Variants in BNIP5 observed in about 807,000 individuals in gnomAD.
BNIP5 encodes the protein protein BNIP5.
In BNIP5, 61 loss-of-function variants were observed where a neutral mutation model predicts 67.3. The observed-to-expected ratio is 0.91, with a 90% CI of 0.74 to 1.12. The LOEUF is 1.12. Among genes scored for constraint, BNIP5 ranks in the 50% most tolerant of loss-of-function variants. BNIP5 has a pLI of 0.00. For synonymous variants in BNIP5, 317 were observed against 319.0 expected (o/e 0.99, Z 0.07); for missense variants, 826 against 816.3 (o/e 1.01, Z -0.14).
rs535432949 is a variant in BNIP5 at position 36,323,561 on chromosome 6, C to G, written c.1231-28G>C. 2.5e-6 allele frequency: 4 copies of G among 1,612,956 alleles called. No homozygotes were observed. In the South Asian group the frequency reaches 3.3e-5, roughly 13 times the overall value. Reference sequence around the variant, plus strand: ...GTGGGGGAGATGAGAGAAACTGAGTCAGGGCCCCTGACCTTGAGGAGATCT... The same window carrying G: ...GTGGGGGAGATGAGAGAAACTGAGTGAGGGCCCCTGACCTTGAGGAGATCT... On this transcript the variant is annotated intron_variant, in intron 7 of 11. Coordinates refer to ENST00000437635, the MANE Select transcript of BNIP5 (RefSeq NM_001010903.5).
intron 11 of BNIP5, among the ~76,000 whole-genome samples, chr6:36,317,858 T>C (rs1166331207): frequency 6.6e-6 from 1 of 151,958 alleles, no homozygotes; most frequent in Non-Finnish European, 1.5e-5. Context: ...GAAGATGGAG[T>C]CAGGGCAACT....
At chr6:36,324,409 C>A (rs2127365622) in intron 6 of BNIP5, among the ~76,000 whole-genome samples, 1 of 150,638 alleles carries the variant, frequency 6.6e-6, no homozygotes, top group East Asian at 2.0e-4. Flanking sequence ...CCCCTCAGGG[C>A]CATCTGGAAA....
chr6:36,330,117 G>A lies in BNIP5; in HGVS notation c.574C>T (p.Arg192Cys), dbSNP rs201572836. ...GGGCCCAGGTCAGCCTCCCCGGAGCGCAAGGCAGCAGCTGCCTTGGACAAC... is the reference window on the plus strand; with the variant it reads ...GGGCCCAGGTCAGCCTCCCCGGAGCACAAGGCAGCAGCTGCCTTGGACAAC... ...EGLSKAAAAL[R>C]SGEADLGPAR... is the part of the protein sequence containing the mutation. Residue 192 changes from arginine to cysteine, a missense_variant, in exon 2 of 12, where the codon CGC (arginine) becomes TGC (cysteine). Coordinates refer to ENST00000437635, the MANE Select transcript of BNIP5 (RefSeq NM_001010903.5). The A allele has an allele frequency of 2.2e-5, 36 of 1,610,492 alleles. 1 individual carries two copies. Among genetic ancestry groups the A allele is most frequent in the Middle Eastern group, 1.6e-4 (1 of 6,084 alleles).
intron 11 of BNIP5, among the ~76,000 whole-genome samples, chr6:36,317,906 C>T (rs984446545): frequency 3.3e-5 from 5 of 152,172 alleles, no homozygotes; most frequent in African/African-American, 4.8e-5. Context: ...ATATCTTTCA[C>T]GAATAACTCA....
chr6:36,332,625 G>A (rs748241143), intron 1 of BNIP5, among the ~76,000 whole-genome samples: 3 of 152,044 alleles, frequency 2.0e-5, no homozygotes, highest in Non-Finnish European at 2.9e-5. Context: ...CAGTGCTTTC[G>A]GGCCAATTTC....
chr6:36,329,707 A>G (rs1338432874), intron 2 of BNIP5, among the ~76,000 whole-genome samples: 1 of 151,994 alleles, frequency 6.6e-6, no homozygotes, highest in African/African-American at 2.4e-5. Context: ...AGCTACTCGG[A>G]AGGCTGAGGC....
In BNIP5 at chr6:36,326,584, G is replaced by C. The variant is rs147988231; in HGVS notation, c.962C>G (p.Ala321Gly). The part of the protein sequence containing the change: ...RGAADVSSPE[A>G]WPPKKSSFLP... ...AAAGCTGGACTTCTTGGGTGGCCAGGCCTCTGGACTGGAAACATCTGCAGC... is the reference window on the plus strand; with the variant it reads ...AAAGCTGGACTTCTTGGGTGGCCAGCCCTCTGGACTGGAAACATCTGCAGC... The change falls in exon 5 of 12, where the codon GCC becomes GGC. Residue 321 changes from alanine to glycine, a missense_variant. Transcript: ENST00000437635. 10 of 1,614,240 alleles carry C rather than the reference G, an allele frequency of 6.2e-6. No homozygotes were observed. Among genetic ancestry groups the C allele is most frequent in the Admixed American group, 1.7e-5 (1 of 60,030 alleles).
chr6:36,328,804 A>T (rs1771821068), intron 2 of BNIP5, 90 bp from the exon 3 acceptor site: 1 of 840,180 alleles, frequency 1.2e-6, no homozygotes, highest in Non-Finnish European at 2.1e-6. Flanking sequence ...AACACGAGAA[A>T]ACAGCACAGA....
At chr6:36,323,724 G>A (rs1275146542) in intron 7 of BNIP5, among the ~76,000 whole-genome samples, 191 bp from the exon 8 acceptor site, 2 of 152,058 alleles carry the variant, frequency 1.3e-5, no homozygotes, top group African/African-American at 2.4e-5. Context: ...CTGGGTCCGG[G>A]TGCAGTGGCT....
In BNIP5 at chr6:36,324,571, GATATTATATATATATAT is replaced by G. The variant is rs1771712811; in HGVS notation, c.1169-398_1169-382del. On this transcript the variant is annotated intron_variant, in intron 6 of 11. Coordinates refer to ENST00000437635, the MANE Select transcript of BNIP5 (RefSeq NM_001010903.5). ...TCCAGGTCTTTTCAGACCTGACGGT[GATATTATATATATATAT>G]ATATATATATATATATATATATATA... 9.4e-5 allele frequency among the ~76,000 whole-genome samples: 7 copies of G among 74,242 alleles called. 1 individual carries two copies. Among genetic ancestry groups the G allele is most frequent in the Non-Finnish European group, 1.2e-4 (5 of 41,912 alleles). 48.7% of individuals were successfully genotyped at this position (74,242 alleles called of 152,430 possible).
chr6:36,325,367 C>T lies in BNIP5; in HGVS notation c.1084G>A (p.Ala362Thr), dbSNP rs367959650. 96 of 1,613,944 alleles carry T rather than the reference C, an allele frequency of 5.9e-5. No individual in the cohort carries two copies. Among genetic ancestry groups the T allele is most frequent in the Non-Finnish European group, 1.2e-5 (14 of 1,179,966 alleles). Residue 362 changes from alanine to threonine, a missense_variant, in exon 6 of 12, where the codon GCT becomes ACT. Transcript: ENST00000437635. Reference protein sequence around the residue: ...VQEAPSTEAGAPGPSVLPTPS... With the variant: ...VQEAPSTEAGTPGPSVLPTPS... ...GTGGGAAGCACGGAGGGACCTGGAGCCCCAGCCTCTGTAGATGGGGCCTCC... is the reference window on the plus strand; with the variant it reads ...GTGGGAAGCACGGAGGGACCTGGAGTCCCAGCCTCTGTAGATGGGGCCTCC...
rs1329189400 is a variant in BNIP5 at position 36,322,309 on chromosome 6, A to G, written c.1603+2T>C. 1 of 1,614,048 alleles carries G rather than the reference A, an allele frequency of 6.2e-7. No individual in the cohort carries two copies. The highest frequency in any genetic ancestry group is 1.3e-5 in the African/African-American group (1 of 75,020). ...CCAGGTAAGAGCAGGGGTGTTACTG[A>G]CTAGATTCACATGCTCCACTCAGCT... On this transcript the variant is annotated splice_donor_variant, in intron 9 of 11. Coordinates refer to ENST00000437635, the MANE Select transcript of BNIP5 (RefSeq NM_001010903.5). LOFTEE classifies it high-confidence loss of function.
chr6:36,326,891 G>A, intron 4 of BNIP5, 138 bp from the exon 5 acceptor site: 1 of 1,422,900 alleles, frequency 7.0e-7, no homozygotes, highest in South Asian at 1.2e-5. Context: ...CAGGGGGAGG[G>A]CTGAGTTCTG....
chr6:36,326,732 C>G lies in BNIP5; in HGVS notation c.814G>C (p.Gly272Arg). The G allele has an allele frequency of 6.2e-7, 1 of 1,614,176 alleles. No individual in the cohort carries two copies. The highest frequency in any genetic ancestry group is 8.5e-7 in the Non-Finnish European group (1 of 1,180,036). Residue 272 changes from glycine (G) to arginine (R), a missense_variant, in exon 5 of 12, where the codon GGG (glycine) becomes CGG (arginine). Transcript: ENST00000437635. ...GGTGCTGGGTTTGGCAGGGCCACCC[C>G]CAGCTGTGAGGCCAGAGATTGCTGT... ...EEEQSLASQL[G>R]VALPNPAPAV...
intron 1 of BNIP5, among the ~76,000 whole-genome samples, chr6:36,332,822 C>T (rs1771936738): frequency 6.6e-6 from 1 of 152,118 alleles, no homozygotes; most frequent in Non-Finnish European, 1.5e-5. Context: ...CAGAGTTGTT[C>T]AGAAGGCCTC....
Position 36,317,295 on chromosome 6 carries a change from C to G in BNIP5, c.*61G>C. On this transcript the variant is annotated 3_prime_UTR_variant, in exon 12 of 12. Coordinates refer to ENST00000437635, the MANE Select transcript of BNIP5 (RefSeq NM_001010903.5). ...ACATCACAGAGCATCTTCAGGGTCT[C>G]CTGGCTAAAGCTGCGAACCATTTGG... 1 of 1,370,412 alleles carries G rather than the reference C, an allele frequency of 7.3e-7. No individual in the cohort carries two copies. The highest frequency in any genetic ancestry group is 1.0e-6 in the Non-Finnish European group (1 of 957,668). 84.9% of individuals were successfully genotyped at this position (1,370,412 alleles called of 1,614,324 possible).
chr6:36,331,781 C>T (rs1275894846), intron 1 of BNIP5, among the ~76,000 whole-genome samples: 3 of 152,182 alleles, frequency 2.0e-5, no homozygotes, highest in Admixed American at 1.3e-4. Flanking sequence ...CAACCTACCT[C>T]GGTCTCTCAA....
intron 1 of BNIP5, among the ~76,000 whole-genome samples, chr6:36,335,981 G>A (rs1015737087): frequency 6.6e-6 from 1 of 152,114 alleles, no homozygotes; most frequent in African/African-American, 2.4e-5. Context: ...CATGACCTAT[G>A]CACATGGAGT....
Position 36,326,023 on chromosome 6 carries a change from G to A in BNIP5, c.1036+487C>T, listed in dbSNP as rs556812082. 9.2e-5 allele frequency among the ~76,000 whole-genome samples: 14 copies of A among 152,340 alleles called. No homozygotes were observed. The South Asian group carries it at 2.7e-3, about 29-fold the overall frequency. On this transcript the variant is annotated intron_variant, in intron 5 of 11. Transcript: ENST00000437635. ...TTGTACTCCATGTGATGGCTGTGGGGATAATAGTTGCACTTCATCTGATGG... is the reference window on the plus strand; with the variant it reads ...TTGTACTCCATGTGATGGCTGTGGGAATAATAGTTGCACTTCATCTGATGG...
Sources: allele counts gnomAD v4.1 joint callset (sites outside exome capture counted in the v4.1 genomes callset), GRCh38; gene constraint gnomAD v4.1.1; transcripts MANE v1.5; gene names NCBI Gene and HGNC (gene_info 2026-07-23, HGNC 2026-07-21).